STK3: variants seen among roughly 807,000 people sequenced by gnomAD.
STK3 encodes the protein serine/threonine-protein kinase 3.
STK3 carries 41 observed loss-of-function variants against 58.0 expected under a neutral mutation model. That is an observed-to-expected ratio of 0.71 (90% confidence interval 0.55 to 0.92). The LOEUF (loss-of-function observed/expected upper bound fraction) is 0.92, where lower values mean the gene tolerates loss of function less well. Among genes scored for constraint, STK3 ranks in the 40% least tolerant of loss-of-function variants. The pLI is 0.00. For missense variants in STK3, 479 were observed against 602.7 expected (o/e 0.79, Z 2.15); for synonymous variants, 170 against 191.0 (o/e 0.89, Z 0.91).
intron 3 of STK3, among the ~76,000 whole-genome samples, chr8:98,403,920 G>A (rs144096863): frequency 1.1e-4 from 17 of 152,312 alleles, no homozygotes; most frequent in African/African-American, 4.1e-4. Context: ...ATGGCTGTGG[G>A]GATATATGCA....
At chr8:98,595,825 A>G (rs1322973261) in intron 7 of STK3, 1 of 454,204 alleles carries the variant, frequency 2.2e-6, no homozygotes, top group Non-Finnish European at 3.8e-6. Context: ...TTCTGAAAGG[A>G]GAATGCTTTG....
intron 4 of STK3, among the ~76,000 whole-genome samples, chr8:98,747,461 AATTT>A (rs1447628667): frequency 2.6e-5 from 4 of 152,210 alleles, no homozygotes; most frequent in African/African-American, 9.6e-5. Context: ...AGACTCGTCA[AATTT>A]TTGAAAGCCA....
At chr8:98,777,072 A>T (rs1193924003) in intron 1 of STK3, among the ~76,000 whole-genome samples, 1 of 151,884 alleles carries the variant, frequency 6.6e-6, no homozygotes, top group East Asian at 1.9e-4. Flanking sequence ...TTAATTAAAA[A>T]TTTTAAAAAT....
chr8:98,747,073 A>C (rs1353511672), intron 4 of STK3, among the ~76,000 whole-genome samples: 1 of 150,476 alleles, frequency 6.6e-6, no homozygotes, highest in Non-Finnish European at 1.5e-5. Flanking sequence ...ATGAAGTAAA[A>C]TAACAACATT....
intron 6 of STK3, among the ~76,000 whole-genome samples, chr8:98,618,228 A>T (rs1817936828): frequency 6.6e-6 from 1 of 151,222 alleles, no homozygotes; most frequent in African/African-American, 2.4e-5. Context: ...GATTATCTCA[A>T]TAGATGCAGA....
intron 7 of STK3, among the ~76,000 whole-genome samples, chr8:98,586,966 C>T (rs1052941856): frequency 6.6e-5 from 10 of 152,036 alleles, no homozygotes; most frequent in South Asian, 2.1e-4. Context: ...TTTTTTATTG[C>T]ATCTATTTGA....
intron 1 of STK3, among the ~76,000 whole-genome samples, chr8:98,897,608 CA>C (rs1175915607): frequency 6.6e-6 from 1 of 151,580 alleles, no homozygotes; most frequent in African/African-American, 2.4e-5. Context: ...AACAAACAAA[CA>C]AACAAAAAAA....
Position 98,722,538 on chromosome 8 carries a change from A to G in STK3, c.352-15227T>C, listed in dbSNP as rs532243579. Among the ~76,000 whole-genome samples the G allele has an allele frequency of 2.3e-3, 352 of 152,288 alleles. 1 individual carries two copies. Among genetic ancestry groups the G allele is most frequent in the South Asian group, 8.9e-3 (43 of 4,830 alleles). On this transcript the variant is annotated intron_variant, in intron 4 of 10. Coordinates refer to ENST00000419617, the MANE Select transcript of STK3 (RefSeq NM_006281.4). Reference sequence around the variant, plus strand: ...TGCTCATTTCATGTCATTTGGACATATGTTAACCTTTTTGTTATTAAAAAA... The same window carrying G: ...TGCTCATTTCATGTCATTTGGACATGTGTTAACCTTTTTGTTATTAAAAAA...
chr8:98,596,729 T>G (rs1815855519), intron 6 of STK3, among the ~76,000 whole-genome samples: 2 of 152,066 alleles, frequency 1.3e-5, no homozygotes, highest in Non-Finnish European at 1.5e-5. Flanking sequence ...TACTAATGAT[T>G]GAGTACTTAT....
chr8:98,415,710 T>G (rs753635318), intron 3 of STK3, among the ~76,000 whole-genome samples: 41 of 152,248 alleles, frequency 2.7e-4, no homozygotes, highest in Non-Finnish European at 5.1e-4. Context: ...GTTAAACATG[T>G]TCTCCAACAA....
At chr8:98,527,498 T>C (rs1208664298) in intron 9 of STK3, among the ~76,000 whole-genome samples, 2 of 152,096 alleles carry the variant, frequency 1.3e-5, no homozygotes, top group Non-Finnish European at 2.9e-5. Flanking sequence ...CACCTATCTG[T>C]AGTCCCAGCT....
intron 3 of STK3, chr8:98,429,271 A>C: frequency 6.2e-7 from 1 of 1,614,092 alleles, no homozygotes; most frequent in Non-Finnish European, 8.5e-7. Context: ...CGCAGCTGTG[A>C]CTTTGGAGAT....
chr8:98,432,815 C>T (rs1818356024), intron 3 of STK3: 1 of 166,802 alleles, frequency 6.0e-6, no homozygotes, highest in Non-Finnish European at 1.5e-5. Context: ...CTCATTAACA[C>T]ACTACTGTGC....
At chr8:98,595,943 A>G (rs545586329) in intron 7 of STK3, 89 bp downstream of exon 7, 5 of 1,415,322 alleles carry the variant, frequency 3.5e-6, no homozygotes, top group African/African-American at 1.4e-5. Flanking sequence ...TTTAGAAATC[A>G]GTTATGAAAC....
At chr8:98,887,276 G>C (rs985319017) in intron 1 of STK3, among the ~76,000 whole-genome samples, 1 of 152,108 alleles carries the variant, frequency 6.6e-6, no homozygotes, top group Non-Finnish European at 1.5e-5. Flanking sequence ...AATTTTCTGA[G>C]TGCTGAAATG....
chr8:98,688,056 CAT>C (rs1824134990), intron 6 of STK3, among the ~76,000 whole-genome samples: 1 of 151,406 alleles, frequency 6.6e-6, no homozygotes, highest in Admixed American at 6.6e-5. Context: ...TAACAACACC[CAT>C]AGACTCATAG....
chr8:98,813,489 T>G (rs1834355316), intron 1 of STK3, among the ~76,000 whole-genome samples: 1 of 152,216 alleles, frequency 6.6e-6, no homozygotes, highest in Admixed American at 6.5e-5. Flanking sequence ...CAGAAGAGCT[T>G]TTTTAATTAT....
intron 3 of STK3, among the ~76,000 whole-genome samples, chr8:98,839,008 G>A (rs1237117747): frequency 6.6e-6 from 1 of 151,410 alleles, no homozygotes; most frequent in African/African-American, 2.4e-5. Context: ...GTGTGTGTGT[G>A]TGTGTGTGTG....
At chr8:98,936,474 C>T (rs1288015369) in intron 1 of STK3, among the ~76,000 whole-genome samples, 1 of 152,174 alleles carries the variant, frequency 6.6e-6, no homozygotes, top group African/African-American at 2.4e-5. Flanking sequence ...AATAAATGTA[C>T]ATTAAATGAA....
Sources: gnomAD v4.1 joint callset for allele counts (sites outside exome capture counted in the v4.1 genomes callset) on GRCh38, gnomAD v4.1.1 for gene constraint, MANE v1.5 for transcripts, NCBI Gene and HGNC (gene_info 2026-07-23, HGNC 2026-07-21) for gene names.